Variants in CHRM3 observed in about 807,000 individuals in gnomAD.
CHRM3 encodes the protein muscarinic acetylcholine receptor M3.
CHRM3 carries 11 observed loss-of-function variants against 41.8 expected under a neutral mutation model. The observed-to-expected ratio is 0.26, with a 90% CI of 0.17 to 0.44. CHRM3 has a LOEUF of 0.44. Ranked by LOEUF, CHRM3 falls within the 20% of genes least tolerant of loss-of-function variation. The pLI, the probability that CHRM3 is intolerant of heterozygous loss-of-function variation, is 1.00. For synonymous variants in CHRM3, 297 were observed against 301.4 expected (o/e 0.99, Z 0.15); for missense variants, 571 against 745.4 (o/e 0.77, Z 2.72).
At chr1:239,405,484 C>T (rs1343047048) in intron 1 of CHRM3, among the ~76,000 whole-genome samples, 5 of 152,100 alleles carry the variant, frequency 3.3e-5, no homozygotes, top group African/African-American at 2.4e-5. Flanking sequence ...TGATTCTACT[C>T]GGTGTCAAGA....
intron 3 of CHRM3, among the ~76,000 whole-genome samples, chr1:239,568,039 C>T (rs1661509881): frequency 6.6e-6 from 1 of 152,152 alleles, no homozygotes; most frequent in Admixed American, 6.5e-5. Flanking sequence ...GAGCCTGTTT[C>T]CACCTCACAG....
rs116073874 is a variant in CHRM3, at chr1:239,512,789, A to G, written c.-422+19982A>G. On this transcript the variant is annotated intron_variant, in intron 2 of 6. Coordinates refer to ENST00000676153, the MANE Select transcript of CHRM3 (RefSeq NM_001375978.1). ...TTAATTCCAAATTCATATTTTGTGT[A>G]GTTTTAAGGGTTACCCTCTTTCTTG... Among the ~76,000 whole-genome samples the G allele has an allele frequency of 3.3e-3, 503 of 151,122 alleles. 3 individuals are homozygous for G. Among genetic ancestry groups the G allele is most frequent in the African/African-American group, 0.012 (477 of 41,304 alleles).
intron 5 of CHRM3, among the ~76,000 whole-genome samples, chr1:239,759,168 T>TG: frequency 7.3e-6 from 1 of 136,734 alleles, no homozygotes; most frequent in African/African-American, 3.0e-5. Context: ...TTTTTTTTTT[T>TG]GTTTTTTTTT....
chr1:239,650,604 C>A (rs1026859661), intron 4 of CHRM3, among the ~76,000 whole-genome samples: 2 of 152,058 alleles, frequency 1.3e-5, no homozygotes, highest in African/African-American at 4.8e-5. Flanking sequence ...GACAAGGAAG[C>A]CAATTAAAGC....
chr1:239,516,618 G>C (rs1037216219), intron 2 of CHRM3, among the ~76,000 whole-genome samples: 4 of 152,176 alleles, frequency 2.6e-5, no homozygotes, highest in Non-Finnish European at 5.9e-5. Flanking sequence ...CTGAAATGAG[G>C]AAAAGCAGTG....
chr1:239,609,135 C>T (rs1666703602), intron 3 of CHRM3, among the ~76,000 whole-genome samples: 1 of 152,154 alleles, frequency 6.6e-6, no homozygotes, highest in South Asian at 2.1e-4. Flanking sequence ...TTTGTAATCC[C>T]TCCCTTCTAC....
At chr1:239,771,450 A>G (rs916881136) in intron 5 of CHRM3, among the ~76,000 whole-genome samples, 2 of 152,102 alleles carry the variant, frequency 1.3e-5, no homozygotes, top group African/African-American at 4.8e-5. Flanking sequence ...TTCATACAGC[A>G]CCTCCACTTC....
At chr1:239,906,491 G>T (rs777082344) in intron 6 of CHRM3, among the ~76,000 whole-genome samples, 1 of 152,116 alleles carries the variant, frequency 6.6e-6, no homozygotes, top group Non-Finnish European at 1.5e-5. Flanking sequence ...CAGCCCTGGA[G>T]GCTCTGAGAG....
chr1:239,760,195 G>A (rs1218476855), intron 5 of CHRM3, among the ~76,000 whole-genome samples: 1 of 151,790 alleles, frequency 6.6e-6, no homozygotes, highest in East Asian at 1.9e-4. Flanking sequence ...AAAGTGCTAG[G>A]ATTACAGGCG....
At chr1:239,798,804 T>A (rs2148906582) in intron 5 of CHRM3, among the ~76,000 whole-genome samples, 1 of 152,290 alleles carries the variant, frequency 6.6e-6, no homozygotes, top group East Asian at 1.9e-4. Flanking sequence ...TGGCTAATCT[T>A]AAAATTAGGT....
intron 5 of CHRM3, among the ~76,000 whole-genome samples, chr1:239,721,126 A>G (rs1662931632): frequency 1.3e-5 from 2 of 151,958 alleles, no homozygotes; most frequent in African/African-American, 4.8e-5. Context: ...CAAACTCTGC[A>G]CAGTATAATG....
chr1:239,655,067 T>C (rs1388668632), intron 4 of CHRM3, among the ~76,000 whole-genome samples: 1 of 152,230 alleles, frequency 6.6e-6, no homozygotes, highest in Non-Finnish European at 1.5e-5. Flanking sequence ...ACAAATATAC[T>C]AGTTACTTGT....
chr1:239,759,513 G>A (rs989474899), intron 5 of CHRM3, among the ~76,000 whole-genome samples: 5 of 152,088 alleles, frequency 3.3e-5, no homozygotes, highest in Non-Finnish European at 7.4e-5. Context: ...GAATTAAACT[G>A]CAGTATTATC....
intron 5 of CHRM3, among the ~76,000 whole-genome samples, chr1:239,807,426 T>C (rs898021418): frequency 1.3e-5 from 2 of 152,200 alleles, no homozygotes; most frequent in Non-Finnish European, 2.9e-5. Context: ...CCTTCTAAAC[T>C]TATCCTTCTC....
chr1:239,516,885 A>G (rs1370073969), intron 2 of CHRM3, among the ~76,000 whole-genome samples: 2 of 152,268 alleles, frequency 1.3e-5, no homozygotes, highest in East Asian at 3.9e-4. Flanking sequence ...CTGCACGTGC[A>G]AAGGATCTAG....
At chr1:239,803,992 C>A (rs987223574) in intron 5 of CHRM3, among the ~76,000 whole-genome samples, 5 of 152,182 alleles carry the variant, frequency 3.3e-5, no homozygotes, top group African/African-American at 1.2e-4. Flanking sequence ...AATTGCCAAA[C>A]AAATCAATTT....
intron 5 of CHRM3, among the ~76,000 whole-genome samples, chr1:239,725,161 G>A (rs1385429168): frequency 6.6e-6 from 1 of 151,826 alleles, no homozygotes; most frequent in Non-Finnish European, 1.5e-5. Context: ...TTCTTGTCTG[G>A]AGGATAATGG....
At chr1:239,619,316 T>A (rs1229512342) in intron 3 of CHRM3, among the ~76,000 whole-genome samples, 2 of 152,168 alleles carry the variant, frequency 1.3e-5, no homozygotes, top group African/African-American at 4.8e-5. Flanking sequence ...AGGCCCTGAG[T>A]CTGGACTGCC....
chr1:239,769,740 G>T (rs1280332923), intron 5 of CHRM3, among the ~76,000 whole-genome samples: 3 of 152,154 alleles, frequency 2.0e-5, no homozygotes, highest in Admixed American at 6.5e-5. Context: ...AATTAGCCAG[G>T]CTTGGTGGCA....
Sources: allele counts gnomAD v4.1 joint callset (sites outside exome capture counted in the v4.1 genomes callset), GRCh38; gene constraint gnomAD v4.1.1; transcripts MANE v1.5; gene names NCBI Gene and HGNC (gene_info 2026-07-23, HGNC 2026-07-21).